FMN2: variants seen among roughly 807,000 people sequenced by gnomAD.
FMN2 encodes the protein formin-2.
A neutral mutation model predicts 142.3 loss-of-function variants in FMN2; 51 were observed. The observed-to-expected ratio is 0.36, with a 90% CI of 0.29 to 0.45. The LOEUF (loss-of-function observed/expected upper bound fraction) is 0.45. FMN2 is among the 20% of genes least tolerant of loss of function. The pLI is 1.00. For missense variants in FMN2, 1,936 were observed against 2,122.8 expected (o/e 0.91, Z 1.73); for synonymous variants, 882 against 869.8 (o/e 1.01, Z -0.25).
chr1:240,431,613 A>G (rs774843100), intron 15 of FMN2, among the ~76,000 whole-genome samples: 43 of 151,430 alleles, frequency 2.8e-4, no homozygotes, highest in Non-Finnish European at 5.8e-4. Flanking sequence ...CATAGATAGT[A>G]TTTATCAAAT....
At chr1:240,234,232 G>T (rs1239167613) in intron 6 of FMN2, among the ~76,000 whole-genome samples, 9 of 151,964 alleles carry the variant, frequency 5.9e-5, no homozygotes. Flanking sequence ...GAATTTTTTT[G>T]CATTAACAAC....
chr1:240,320,857 T>G (rs1670948044), intron 8 of FMN2, among the ~76,000 whole-genome samples: 1 of 152,200 alleles, frequency 6.6e-6, no homozygotes, highest in Non-Finnish European at 1.5e-5. Context: ...CTGTGCTGAT[T>G]AAGCAAAAGC....
chr1:240,223,084 C>T (rs1667177828), intron 6 of FMN2, among the ~76,000 whole-genome samples: 1 of 152,164 alleles, frequency 6.6e-6, no homozygotes, highest in Admixed American at 6.5e-5. Flanking sequence ...GGAATGCTTC[C>T]ATCTTCTGCC....
intron 15 of FMN2, among the ~76,000 whole-genome samples, chr1:240,427,485 A>G (rs962289891): frequency 3.9e-5 from 6 of 152,164 alleles, no homozygotes; most frequent in East Asian, 1.9e-4. Flanking sequence ...GATTACAGGC[A>G]TGAGCCACCG....
At chr1:240,326,156 C>A (rs967940430) in intron 8 of FMN2, among the ~76,000 whole-genome samples, 24 of 152,050 alleles carry the variant, frequency 1.6e-4, no homozygotes, top group Non-Finnish European at 2.2e-4. Context: ...AGTGAGAGGG[C>A]CAGAGATTAC....
intron 2 of FMN2, chr1:240,144,894 G>T: frequency 7.1e-7 from 1 of 1,418,378 alleles, no homozygotes; most frequent in Non-Finnish European, 1.0e-6. Flanking sequence ...CCTGCCAGGT[G>T]CCTGATATAC....
intron 14 of FMN2, among the ~76,000 whole-genome samples, chr1:240,360,166 T>G (rs895941429): frequency 6.6e-6 from 1 of 152,220 alleles, no homozygotes; most frequent in Non-Finnish European, 1.5e-5. Flanking sequence ...AAATTTAGCT[T>G]TCTCTATTTC....
intron 2 of FMN2, among the ~76,000 whole-genome samples, chr1:240,136,985 G>T (rs190682574): frequency 6.7e-6 from 1 of 148,708 alleles, no homozygotes; most frequent in Non-Finnish European, 1.5e-5. Flanking sequence ...GAAGAGAATC[G>T]CTTGAACCCA....
intron 3 of FMN2, among the ~76,000 whole-genome samples, chr1:240,185,029 C>A (rs1435946327): frequency 1.2e-4 from 18 of 147,100 alleles, no homozygotes; most frequent in South Asian, 4.3e-4. Flanking sequence ...CCCTCCTATA[C>A]CTTCCCCCTT....
intron 1 of FMN2, among the ~76,000 whole-genome samples, chr1:240,099,142 G>A (rs975512459): frequency 1.3e-5 from 2 of 152,008 alleles, no homozygotes; most frequent in African/African-American, 4.8e-5. Context: ...GTACATGAGA[G>A]GCACTTAACT....
chr1:240,462,497 C>G (rs1434415578), intron 16 of FMN2, among the ~76,000 whole-genome samples: 2 of 152,186 alleles, frequency 1.3e-5, no homozygotes, highest in African/African-American at 4.8e-5. Context: ...CATGCAGACA[C>G]ATTGCTGAAG....
At chr1:240,124,151 G>A (rs553218260) in intron 2 of FMN2, among the ~76,000 whole-genome samples, 9 of 152,164 alleles carry the variant, frequency 5.9e-5, no homozygotes, top group East Asian at 1.9e-4. Context: ...GAATAATGCC[G>A]CTATGAACAT....
At chr1:240,410,825 G>A (rs1388666251) in intron 15 of FMN2, among the ~76,000 whole-genome samples, 1 of 152,054 alleles carries the variant, frequency 6.6e-6, no homozygotes, top group Non-Finnish European at 1.5e-5. Flanking sequence ...AGTTGTAAGT[G>A]TAGACATAGT....
At chr1:240,224,698 G>T (rs187565833) in intron 6 of FMN2, among the ~76,000 whole-genome samples, 128 of 152,218 alleles carry the variant, frequency 8.4e-4, no homozygotes, top group African/African-American at 3.0e-3. Flanking sequence ...GCTGCTCGCC[G>T]CACAGAAAGC....
intron 6 of FMN2, among the ~76,000 whole-genome samples, chr1:240,230,497 T>G (rs1055139038): frequency 1.5e-5 from 2 of 132,224 alleles, no homozygotes; most frequent in Admixed American, 1.4e-4. Flanking sequence ...CATAAAAAAA[T>G]TTTGTTTTGA....
chr1:240,469,125 G>T (rs1353083684), intron 16 of FMN2, among the ~76,000 whole-genome samples: 1 of 152,114 alleles, frequency 6.6e-6, no homozygotes, highest in Non-Finnish European at 1.5e-5. Context: ...TGTTTTGGGG[G>T]TCTGGCAGCA....
intron 2 of FMN2, among the ~76,000 whole-genome samples, chr1:240,154,089 G>A (rs1464239905): frequency 9.5e-6 from 1 of 105,412 alleles, no homozygotes; most frequent in Non-Finnish European, 1.8e-5. Flanking sequence ...CAGCCTGGGC[G>A]ACAAAGTGAG....
chr1:240,239,113 A>G (rs1377934208), intron 6 of FMN2, among the ~76,000 whole-genome samples: 1 of 152,218 alleles, frequency 6.6e-6, no homozygotes, highest in Non-Finnish European at 1.5e-5. Context: ...TTACTATAGA[A>G]TAACAATATT....
At chr1:240,269,318 T>C (rs915799974) in intron 7 of FMN2, among the ~76,000 whole-genome samples, 2 of 152,098 alleles carry the variant, frequency 1.3e-5, no homozygotes, top group African/African-American at 4.8e-5. Context: ...CCCCATTCTG[T>C]GTTCTTGACA....
Sources: allele counts gnomAD v4.1 joint callset (sites outside exome capture counted in the v4.1 genomes callset), GRCh38; gene constraint gnomAD v4.1.1; transcripts MANE v1.5; gene names NCBI Gene and HGNC (gene_info 2026-07-23, HGNC 2026-07-21).